GRIK1: variants seen among roughly 807,000 people sequenced by gnomAD.
GRIK1 encodes the protein glutamate ionotropic receptor kainate type subunit 1.
GRIK1 carries 69 observed loss-of-function variants against 105.7 expected under a neutral mutation model. The ratio of observed to expected loss-of-function variants is 0.65; its 90% CI spans 0.54 to 0.80. GRIK1 has a LOEUF of 0.80. GRIK1 is among the 30% of genes least tolerant of loss of function. GRIK1 has a pLI of 0.00. For synonymous variants in GRIK1, 438 were observed against 431.3 expected (o/e 1.02, Z -0.19); for missense variants, 1,109 against 1,167.3 (o/e 0.95, Z 0.73).
At chr21:29,910,090 C>T (rs1208462158) in intron 1 of GRIK1, among the ~76,000 whole-genome samples, 1 of 152,036 alleles carries the variant, frequency 6.6e-6, no homozygotes, top group African/African-American at 2.4e-5. Context: ...GGAATTGAAA[C>T]TCCATTCTCT....
chr21:29,892,781 C>A (rs1569195935), intron 1 of GRIK1, among the ~76,000 whole-genome samples: 3 of 152,288 alleles, frequency 2.0e-5, no homozygotes, highest in East Asian at 1.9e-4. Flanking sequence ...GAAATGTAAT[C>A]TTTTTTGTGC....
intron 13 of GRIK1, 57 bp downstream of exon 13, chr21:29,581,368 T>TGAAAGCCTGTCAGCAC (rs2091019743): frequency 2.0e-6 from 2 of 988,648 alleles, no homozygotes; most frequent in Admixed American, 1.7e-5. Context: ...TTTACCAGCA[T>TGAAAGCCTGTCAGCAC]GAAAGCCTGT....
intron 16 of GRIK1, 63 bp downstream of exon 16, chr21:29,554,989 C>A: frequency 7.2e-7 from 1 of 1,381,758 alleles, no homozygotes; most frequent in South Asian, 1.4e-5. Context: ...CCTTAAAAAC[C>A]CCCAAACTTA....
intron 11 of GRIK1, among the ~76,000 whole-genome samples, chr21:29,588,013 C>T (rs1041298351): frequency 9.7e-5 from 11 of 113,346 alleles, no homozygotes; most frequent in East Asian, 3.1e-4. Context: ...CTCACTCTGT[C>T]GCCCAGGCTA....
In GRIK1 at chr21:29,839,030, T is replaced by C. The variant is rs552059105; in HGVS notation, c.118+100353A>G. Among the ~76,000 whole-genome samples the C allele has an allele frequency of 2.7e-5, 4 of 145,896 alleles. No individual in the cohort carries two copies. In the East Asian group the frequency reaches 8.5e-4, roughly 31 times the overall value. On this transcript the variant is annotated intron_variant, in intron 1 of 17. Transcript: ENST00000327783. ...AGTACAAATTAATGAATAAATATCA[T>C]ACTATAGGGATTTCTTTTCTTTTCT...
intron 1 of GRIK1, among the ~76,000 whole-genome samples, chr21:29,893,044 C>A (rs544362956): frequency 2.6e-5 from 4 of 152,236 alleles, no homozygotes; most frequent in Admixed American, 6.5e-5. Context: ...TGGTGACACA[C>A]GCCTATAGTT....
intron 1 of GRIK1, among the ~76,000 whole-genome samples, chr21:29,860,414 A>T (rs554469678): frequency 6.6e-6 from 1 of 152,324 alleles, no homozygotes; most frequent in Non-Finnish European, 1.5e-5. Context: ...AGAAGACAGA[A>T]ATTTTGACAA....
At chr21:29,843,577 A>G (rs1569151695) in intron 1 of GRIK1, among the ~76,000 whole-genome samples, 1 of 152,146 alleles carries the variant, frequency 6.6e-6, no homozygotes, top group Non-Finnish European at 1.5e-5. Flanking sequence ...TCTTAGGTGA[A>G]GGAGATGTGG....
intron 1 of GRIK1, among the ~76,000 whole-genome samples, chr21:29,718,895 G>A (rs1172705069): frequency 2.0e-5 from 3 of 152,160 alleles, no homozygotes; most frequent in Non-Finnish European, 4.4e-5. Flanking sequence ...TCTGAAGGGA[G>A]AAGTTGTGAA....
At chr21:29,890,862 G>T (rs1396161535) in intron 1 of GRIK1, among the ~76,000 whole-genome samples, 3 of 152,050 alleles carry the variant, frequency 2.0e-5, no homozygotes, top group Non-Finnish European at 4.4e-5. Flanking sequence ...GATAAACAGA[G>T]CCCATTTATA....
chr21:29,885,700 T>C (rs534201635), intron 1 of GRIK1, among the ~76,000 whole-genome samples: 9 of 152,238 alleles, frequency 5.9e-5, no homozygotes, highest in South Asian at 2.1e-4. Flanking sequence ...CAGCAACATT[T>C]TTCTAACAAG....
intron 12 of GRIK1, among the ~76,000 whole-genome samples, chr21:29,584,099 C>A (rs986601801): frequency 1.3e-5 from 2 of 152,144 alleles, no homozygotes; most frequent in Non-Finnish European, 2.9e-5. Flanking sequence ...ATGTTTGTTT[C>A]TGCCTGGCTT....
At chr21:29,588,209 T>C (rs1395630445) in intron 11 of GRIK1, among the ~76,000 whole-genome samples, 1 of 151,942 alleles carries the variant, frequency 6.6e-6, no homozygotes, top group Admixed American at 6.6e-5. Context: ...CTCCTGACCT[T>C]GTGATCCGCC....
intron 1 of GRIK1, among the ~76,000 whole-genome samples, chr21:29,853,341 G>A (rs1267433426): frequency 2.0e-5 from 3 of 152,188 alleles, no homozygotes; most frequent in Non-Finnish European, 4.4e-5. Flanking sequence ...TACATCGTAG[G>A]ATATGTGGCA....
intron 1 of GRIK1, among the ~76,000 whole-genome samples, chr21:29,824,667 G>T (rs1472678802): frequency 6.6e-6 from 1 of 151,950 alleles, no homozygotes; most frequent in Non-Finnish European, 1.5e-5. Context: ...AAGTTGAAAA[G>T]ACTGCAGTGA....
intron 1 of GRIK1, among the ~76,000 whole-genome samples, chr21:29,717,929 G>T (rs1569010167): frequency 6.6e-6 from 1 of 152,082 alleles, no homozygotes; most frequent in Non-Finnish European, 1.5e-5. Context: ...GGGGCCCAGT[G>T]GGAGATAATT....
At chr21:29,705,873 CTTTTT>C (rs1325677911) in intron 1 of GRIK1, among the ~76,000 whole-genome samples, 1 of 135,728 alleles carries the variant, frequency 7.4e-6, no homozygotes. Context: ...CTTTTCTTTT[CTTTTT>C]TTTTTTTTTT....
intron 1 of GRIK1, among the ~76,000 whole-genome samples, chr21:29,801,151 G>A (rs1338886091): frequency 6.6e-6 from 1 of 151,936 alleles, no homozygotes; most frequent in Non-Finnish European, 1.5e-5. Flanking sequence ...CAGGAGTAGT[G>A]ACTCTTTGGA....
intron 1 of GRIK1, among the ~76,000 whole-genome samples, chr21:29,886,580 G>A (rs1000808645): frequency 1.3e-5 from 2 of 151,784 alleles, no homozygotes; most frequent in East Asian, 1.9e-4. Flanking sequence ...TTACAACTTC[G>A]TACTTAAAAA....
Sources: gnomAD v4.1 joint callset for allele counts (sites outside exome capture counted in the v4.1 genomes callset) on GRCh38, gnomAD v4.1.1 for gene constraint, MANE v1.5 for transcripts, NCBI Gene and HGNC (gene_info 2026-07-23, HGNC 2026-07-21) for gene names.